Variants in NMBR observed in about 807,000 individuals in gnomAD.
NMBR encodes the protein neuromedin B receptor, also known as neuromedin-B receptor.
Under a neutral mutation model 20.5 loss-of-function variants are expected in NMBR, and 16 were observed. The observed-to-expected ratio is 0.78, with a 90% CI of 0.53 to 1.19. NMBR has a LOEUF of 1.19. Ranked by LOEUF, NMBR falls within the 50% of genes most tolerant of loss-of-function variation. The probability of loss-of-function intolerance (pLI) is 0.00; values close to 1 mark genes in which losing one functional copy is unlikely to be tolerated. For missense variants in NMBR, 582 were observed against 499.1 expected, an observed-to-expected ratio of 1.17 and a Z score of -1.58; for synonymous variants, 212 against 196.6, an observed-to-expected ratio of 1.08 and a Z score of -0.65.
chr6:142,093,438 T>C (rs1261721562), intron 1 of NMBR, among the ~76,000 whole-genome samples: 8 of 151,428 alleles, frequency 5.3e-5, no homozygotes, highest in Admixed American at 5.3e-4. Context: ...TTGCTGAGAA[T>C]GATGGTTTCC....
In NMBR at chr6:142,075,614, A is replaced by T; in HGVS notation, c.*34T>A. ...CGAATAGGAATTTTAACAGTTACTA[A>T]GTTCTCTCCAGGTAGTGAGTTGAAT... On this transcript the variant is annotated 3_prime_UTR_variant, in exon 4 of 4. Coordinates refer to ENST00000258042, the MANE Select transcript of NMBR (RefSeq NM_002511.4). The T allele has an allele frequency of 6.4e-7, 1 of 1,550,856 alleles. No homozygotes were observed. The highest frequency in any genetic ancestry group is 8.7e-7 in the Non-Finnish European group (1 of 1,147,446).
chr6:142,092,390 T>A (rs1244951290), intron 1 of NMBR, among the ~76,000 whole-genome samples: 1 of 152,084 alleles, frequency 6.6e-6, no homozygotes, highest in African/African-American at 2.4e-5. Context: ...TGTAATACTA[T>A]ATGTAGTATT....
intron 1 of NMBR, among the ~76,000 whole-genome samples, chr6:142,106,251 A>C (rs2114585322): frequency 6.6e-6 from 1 of 152,272 alleles, no homozygotes; most frequent in South Asian, 2.1e-4. Flanking sequence ...GCAAGGAGGC[A>C]AAACAGGGAG....
chr6:142,089,865 A>G (rs1191257696), intron 1 of NMBR, among the ~76,000 whole-genome samples: 1 of 152,196 alleles, frequency 6.6e-6, no homozygotes, highest in African/African-American at 2.4e-5. Flanking sequence ...GTTCAGGTGC[A>G]CATTTGAATA....
At chr6:142,121,669 AAAC>A (rs1777945609) in intron 1 of NMBR, among the ~76,000 whole-genome samples, 1 of 151,856 alleles carries the variant, frequency 6.6e-6, no homozygotes, top group Non-Finnish European at 1.5e-5. Flanking sequence ...ACCTTGAAGC[AAAC>A]AACAGAAACC....
chr6:142,076,089 A>G, intron 3 of NMBR, 40 bp from the exon 4 acceptor site: 1 of 1,520,548 alleles, frequency 6.6e-7, no homozygotes, highest in South Asian at 1.3e-5. Flanking sequence ...TTAAAGTGAA[A>G]ATGGAACCAG....
At chr6:142,136,551 T>C (rs1349607248) in intron 1 of NMBR, among the ~76,000 whole-genome samples, 1 of 152,204 alleles carries the variant, frequency 6.6e-6, no homozygotes, top group Non-Finnish European at 1.5e-5. Flanking sequence ...TTTGGTGTTT[T>C]AGACATGAAG....
intron 2 of NMBR, among the ~76,000 whole-genome samples, chr6:142,084,876 T>G (rs1306545833): frequency 6.6e-6 from 1 of 152,112 alleles, no homozygotes; most frequent in Non-Finnish European, 1.5e-5. Flanking sequence ...GTCCCAATAC[T>G]CCACGGGGGG....
Position 142,140,364 on chromosome 6 carries a change from AG to A in NMBR, c.-664+6679del, listed in dbSNP as rs764651979. On this transcript the variant is annotated intron_variant, in intron 1 of 3. Coordinates refer to ENST00000258042, the MANE Select transcript of NMBR (RefSeq NM_002511.4). ...GTTGAAGTATGCTGTGATAACTTTA[AG>A]TTGTATATTATAAAATATAAAACAA... Among the ~76,000 whole-genome samples, 882 of 152,236 alleles carry A rather than the reference AG, an allele frequency of 5.8e-3. 10 individuals carry two copies. Among genetic ancestry groups the A allele is most frequent in the Middle Eastern group, 0.027 (8 of 294 alleles).
At chr6:142,082,821 T>C (rs1473087847) in intron 2 of NMBR, among the ~76,000 whole-genome samples, 1 of 152,172 alleles carries the variant, frequency 6.6e-6, no homozygotes, top group African/African-American at 2.4e-5. Flanking sequence ...TCATTCTTCT[T>C]TTGCAAATAA....
intron 1 of NMBR, among the ~76,000 whole-genome samples, chr6:142,128,792 T>C (rs1399000116): frequency 4.0e-5 from 6 of 151,756 alleles, no homozygotes; most frequent in Non-Finnish European, 7.4e-5. Flanking sequence ...TTTTTGCATC[T>C]GTACTCTTCT....
At chr6:142,106,099 G>A (rs1397491452) in intron 1 of NMBR, among the ~76,000 whole-genome samples, 2 of 152,218 alleles carry the variant, frequency 1.3e-5, no homozygotes, top group South Asian at 2.1e-4. Context: ...GTCCCAAGTA[G>A]CCATGTGGCA....
intron 1 of NMBR, among the ~76,000 whole-genome samples, chr6:142,091,782 A>C (rs921087837): frequency 6.6e-6 from 1 of 152,230 alleles, no homozygotes; most frequent in African/African-American, 2.4e-5. Flanking sequence ...ATTTCTATAT[A>C]AATGAAGTAT....
At chr6:142,104,058 G>C (rs973886896) in intron 1 of NMBR, among the ~76,000 whole-genome samples, 1 of 152,130 alleles carries the variant, frequency 6.6e-6, no homozygotes, top group Non-Finnish European at 1.5e-5. Context: ...GGAAATAACT[G>C]ACATGTGGAA....
intron 1 of NMBR, among the ~76,000 whole-genome samples, chr6:142,145,949 T>A (rs1778425045): frequency 6.6e-6 from 1 of 151,958 alleles, no homozygotes; most frequent in African/African-American, 2.4e-5. Context: ...AAATGAAAAG[T>A]TGTGAGTATA....
chr6:142,088,461 C>G lies in NMBR; in HGVS notation c.198G>C (p.Lys66Asn). Residue 66 changes from lysine (K) to asparagine (N), a missense_variant, in exon 2 of 4, where the codon AAG (lysine) becomes AAC (asparagine). By Grantham distance (94) the Lys-to-Asn change is moderately conservative. Coordinates refer to ENST00000258042, the MANE Select transcript of NMBR (RefSeq NM_002511.4). Reference sequence around the variant, plus strand: ...TCATGGCGCTGTTGGTGATGAAGATCTTCACCAGCATGATGTTGCCCAGCA... The same window carrying G: ...TCATGGCGCTGTTGGTGATGAAGATGTTCACCAGCATGATGTTGCCCAGCA... ...VGLLGNIMLVKIFITNSAMRS... is the reference protein window; with the variant it reads ...VGLLGNIMLVNIFITNSAMRS... 1 of 1,614,030 alleles carries G rather than the reference C, an allele frequency of 6.2e-7. No homozygotes were observed. The highest frequency in any genetic ancestry group is 8.5e-7 in the Non-Finnish European group (1 of 1,179,996).
chr6:142,125,818 T>A (rs1012698430), intron 1 of NMBR, among the ~76,000 whole-genome samples: 1 of 151,876 alleles, frequency 6.6e-6, no homozygotes, highest in African/African-American at 2.4e-5. Context: ...ACAGTAAAGC[T>A]AATTGACATA....
At chr6:142,084,347 T>C (rs1010885821) in intron 2 of NMBR, among the ~76,000 whole-genome samples, 1 of 152,198 alleles carries the variant, frequency 6.6e-6, no homozygotes, top group Non-Finnish European at 1.5e-5. Flanking sequence ...ACTCAAAAAC[T>C]TGGATTTTGT....
At chr6:142,090,477 T>C (rs1777303172) in intron 1 of NMBR, among the ~76,000 whole-genome samples, 1 of 151,790 alleles carries the variant, frequency 6.6e-6, no homozygotes, top group Non-Finnish European at 1.5e-5. Flanking sequence ...TCAAAAGTCC[T>C]TATTGTACTC....
Sources: gnomAD v4.1 joint callset for allele counts (sites outside exome capture counted in the v4.1 genomes callset) on GRCh38, gnomAD v4.1.1 for gene constraint, MANE v1.5 for transcripts, NCBI Gene and HGNC (gene_info 2026-07-23, HGNC 2026-07-21) for gene names.